SEZ6L: variants seen among roughly 807,000 people sequenced by gnomAD.
SEZ6L encodes the protein seizure related 6 homolog like, also known as seizure 6-like protein.
A neutral mutation model predicts 106.2 loss-of-function variants in SEZ6L; 37 were observed. The ratio of observed to expected loss-of-function variants is 0.35; its 90% CI spans 0.27 to 0.46. The LOEUF (loss-of-function observed/expected upper bound fraction) is 0.46. Ranked by LOEUF, SEZ6L falls within the 20% of genes least tolerant of loss-of-function variation. The pLI, the probability that SEZ6L is intolerant of heterozygous loss-of-function variation, is 1.00. For missense variants in SEZ6L, 1,172 were observed against 1,332.8 expected (o/e 0.88, Z 1.88); for synonymous variants, 541 against 570.4 (o/e 0.95, Z 0.73).
chr22:26,292,550 T>TG lies in SEZ6L; in HGVS notation c.242dup (p.Glu82ArgfsTer146). ...AGTTCCTCACAGTCGGCGGAAGTGC[T>TG]GGGCGAGCTGGTGCTGGATGGGACC... On this transcript the variant is annotated frameshift_variant, in exon 2 of 17. Transcript: ENST00000248933. LOFTEE classifies it high-confidence loss of function. 1.9e-6 allele frequency: 3 copies of TG among 1,613,822 alleles called. No individual in the cohort carries two copies. The highest frequency in any genetic ancestry group is 2.5e-6 in the Non-Finnish European group (3 of 1,179,880).
intron 13 of SEZ6L, among the ~76,000 whole-genome samples, chr22:26,370,121 G>A (rs1039717132): frequency 2.6e-5 from 4 of 151,632 alleles, no homozygotes; most frequent in African/African-American, 7.3e-5. Context: ...GGTGGCTCAC[G>A]CCTGTAATCC....
chr22:26,194,812 T>C (rs1940472632), intron 1 of SEZ6L, among the ~76,000 whole-genome samples: 1 of 152,202 alleles, frequency 6.6e-6, no homozygotes, highest in Admixed American at 6.5e-5. Context: ...AGCTCCCACC[T>C]GGAGGGACTT....
At position 26,327,438 on chromosome 22, in the gene SEZ6L, A is replaced by G. The variant is rs2082349378; in HGVS notation, c.2016-12998A>G. 4.1e-5 allele frequency among the ~76,000 whole-genome samples: 5 copies of G among 123,396 alleles called. No homozygotes were observed. The South Asian group carries it at 1.3e-3, about 32-fold the overall frequency. The allele number at this position is 123,396 out of a possible 152,430, so 81.0% of individuals were successfully genotyped here. ...ACACACACACGCACAAACCACACAT[A>G]TGACACTACACACACCACACACCAT... On this transcript the variant is annotated intron_variant, in intron 9 of 16. Transcript: ENST00000248933.
intron 3 of SEZ6L, among the ~76,000 whole-genome samples, chr22:26,294,721 AACACACACACACACACAC>A (rs56000206): frequency 8.8e-5 from 13 of 148,166 alleles, no homozygotes; most frequent in African/African-American, 1.5e-4. Flanking sequence ...CACGTGCATA[AACACACACACACACACAC>A]ACACACACAC....
At position 26,375,639 on chromosome 22, in the gene SEZ6L, G is replaced by T. The variant is rs781013844; in HGVS notation, c.2892G>T (p.Pro964=). 3.1e-6 allele frequency: 5 copies of T among 1,613,964 alleles called. No individual in the cohort carries two copies. Among genetic ancestry groups the T allele is most frequent in the African/African-American group, 1.3e-5 (1 of 74,880 alleles). Residue 964 remains proline (P), a synonymous_variant, in exon 15 of 17, where the codon CCG becomes CCT. Transcript: ENST00000248933. ...ACATGGCCCTGGCTATCTTCATCCC[G>T]GTCCTCATCATCTCCTTACTGCTGG... ...GGNMALAIFI[P]VLIISLLLGG...
intron 1 of SEZ6L, among the ~76,000 whole-genome samples, chr22:26,285,320 T>A (rs1481814772): frequency 6.6e-6 from 1 of 152,250 alleles, no homozygotes; most frequent in Non-Finnish European, 1.5e-5. Flanking sequence ...ACTCGGCTCT[T>A]GCTAAATCCA....
chr22:26,368,739 T>C (rs1334675649), intron 13 of SEZ6L, among the ~76,000 whole-genome samples: 1 of 100,562 alleles, frequency 9.9e-6, no homozygotes, highest in Non-Finnish European at 2.0e-5. Flanking sequence ...GTGAATTTTA[T>C]CTACCTAAAA....
intron 1 of SEZ6L, among the ~76,000 whole-genome samples, chr22:26,209,831 AAGT>A (rs1317164657): frequency 3.7e-5 from 3 of 81,700 alleles, no homozygotes; most frequent in African/African-American, 5.8e-5. Context: ...GAAAGGAAAA[AAGT>A]AGGAGGAAGG....
intron 1 of SEZ6L, among the ~76,000 whole-genome samples, chr22:26,187,048 G>A (rs953864122): frequency 2.6e-5 from 4 of 152,136 alleles, no homozygotes; most frequent in Admixed American, 6.5e-5. Context: ...TAGCCTCTCC[G>A]CTAAGGTTAG....
At chr22:26,260,903 G>C (rs1225731389) in intron 1 of SEZ6L, among the ~76,000 whole-genome samples, 1 of 151,860 alleles carries the variant, frequency 6.6e-6, no homozygotes, top group African/African-American at 2.4e-5. Flanking sequence ...ATTGTATTTT[G>C]ATTTTTTTTG....
intron 1 of SEZ6L, among the ~76,000 whole-genome samples, chr22:26,270,463 GGTGTGTGTGTGTGTGT>G (rs60049781): frequency 6.8e-6 from 1 of 146,264 alleles, no homozygotes; most frequent in Non-Finnish European, 1.5e-5. Context: ...AATTGTGAGG[GGTGTGTGTGTGTGTGT>G]GTGTGTGTGT....
intron 1 of SEZ6L, among the ~76,000 whole-genome samples, chr22:26,238,446 C>T (rs917916553): frequency 2.0e-5 from 3 of 152,216 alleles, no homozygotes; most frequent in African/African-American, 7.2e-5. Context: ...ACTCCTTCAT[C>T]CACTTCAAAA....
At chr22:26,172,628 A>C (rs867302230) in intron 1 of SEZ6L, among the ~76,000 whole-genome samples, 1 of 152,186 alleles carries the variant, frequency 6.6e-6, no homozygotes, top group Non-Finnish European at 1.5e-5. Context: ...AGAGAGGGGA[A>C]TTCTGACCTG....
chr22:26,281,213 C>T (rs2080751142), intron 1 of SEZ6L, among the ~76,000 whole-genome samples: 1 of 152,112 alleles, frequency 6.6e-6, no homozygotes. Context: ...TTATAAGAAG[C>T]AGGAGAGAGA....
At chr22:26,339,444 T>C (rs577686380) in intron 9 of SEZ6L, among the ~76,000 whole-genome samples, 1 of 152,324 alleles carries the variant, frequency 6.6e-6, no homozygotes, top group South Asian at 2.1e-4. Context: ...ATGTCTGAGA[T>C]GGCACATGTT....
intron 13 of SEZ6L, among the ~76,000 whole-genome samples, chr22:26,366,667 T>C (rs993823715): frequency 6.6e-6 from 1 of 150,766 alleles, no homozygotes; most frequent in Non-Finnish European, 1.5e-5. Context: ...ATGATCATGC[T>C]ACTGCACTCC....
chr22:26,261,843 T>A (rs1166642602), intron 1 of SEZ6L, among the ~76,000 whole-genome samples: 1 of 152,030 alleles, frequency 6.6e-6, no homozygotes, highest in African/African-American at 2.4e-5. Context: ...ATACGAGTAT[T>A]TTGGAGAAGT....
intron 1 of SEZ6L, among the ~76,000 whole-genome samples, chr22:26,255,644 C>G (rs772295671): frequency 1.1e-4 from 17 of 152,232 alleles, no homozygotes; most frequent in Non-Finnish European, 2.4e-4. Context: ...CTCATCCCAG[C>G]TCACAGTTGC....
chr22:26,211,914 C>A (rs2078171891), intron 1 of SEZ6L, among the ~76,000 whole-genome samples: 1 of 149,580 alleles, frequency 6.7e-6, no homozygotes, highest in Non-Finnish European at 1.5e-5. Flanking sequence ...AGACAAAATT[C>A]ATGCCCACCC....
Sources: gnomAD v4.1 joint callset for allele counts (sites outside exome capture counted in the v4.1 genomes callset) on GRCh38, gnomAD v4.1.1 for gene constraint, MANE v1.5 for transcripts, NCBI Gene and HGNC (gene_info 2026-07-23, HGNC 2026-07-21) for gene names.